Variants in PCDHGA12 observed in about 807,000 individuals in gnomAD.
PCDHGA12 encodes the protein protocadherin gamma subfamily A, 12.
In PCDHGA12, 43 loss-of-function variants were observed where a neutral mutation model predicts 61.1. The observed-to-expected ratio is 0.70, with a 90% CI of 0.55 to 0.91. The LOEUF (loss-of-function observed/expected upper bound fraction) is 0.91, where lower values mean the gene tolerates loss of function less well. Among genes scored for constraint, PCDHGA12 ranks in the 40% least tolerant of loss-of-function variants. The pLI is 0.00. For synonymous variants in PCDHGA12, 520 were observed against 542.9 expected, an observed-to-expected ratio of 0.96 and a Z score of 0.59; for missense variants, 1,236 against 1,227.7, an observed-to-expected ratio of 1.01 and a Z score of -0.10.
chr5:141,433,067 T>C lies in PCDHGA12; in HGVS notation c.2308T>C (p.Phe770Leu). The change falls in exon 1 of 4, where the codon TTC (phenylalanine) becomes CTC (leucine). Residue 770 changes from phenylalanine to leucine, a missense_variant. Transcript: ENST00000252085. ...GGACTCGCGGAAGAGTCACCTGATC[T>C]TCCCCCAGCCCAACTATGCAGACAT... is the stretch of plus-strand genomic sequence containing the variant. ...TTDSRKSHLI[F>L]PQPNYADMLV... 1.9e-6 allele frequency: 3 copies of C among 1,614,144 alleles called. No individual in the cohort carries two copies. The highest frequency in any genetic ancestry group is 2.5e-6 in the Non-Finnish European group (3 of 1,180,020).
chr5:141,472,188 G>C (rs779077950), intron 1 of PCDHGA12, among the ~76,000 whole-genome samples: 4 of 152,168 alleles, frequency 2.6e-5, no homozygotes, highest in Middle Eastern at 3.2e-3. Context: ...ATTGGAATTT[G>C]AATCTTTTTG....
Position 141,430,853 on chromosome 5 carries a change from C to A in PCDHGA12, c.94C>A (p.Arg32Ser). 1 of 1,587,214 alleles carries A rather than the reference C, an allele frequency of 6.3e-7. No individual in the cohort carries two copies. Among genetic ancestry groups the A allele is most frequent in the Non-Finnish European group, 8.6e-7 (1 of 1,168,534 alleles). ...GTGGGAGACCGGATGCACCCAGATACGCTATTCAGTTCCGGAAGAGCTGGA... is the reference window on the plus strand; with the variant it reads ...GTGGGAGACCGGATGCACCCAGATAAGCTATTCAGTTCCGGAAGAGCTGGA... ...TLWETGCTQI[R>S]YSVPEELEKG... The change falls in exon 1 of 4, where the codon CGC (arginine) becomes AGC (serine). Residue 32 changes from arginine to serine, a missense_variant. Arg to Ser is a moderately radical substitution (Grantham distance 110, BLOSUM62 -1). Coordinates refer to ENST00000252085, the MANE Select transcript of PCDHGA12 (RefSeq NM_003735.3).
intron 1 of PCDHGA12, among the ~76,000 whole-genome samples, chr5:141,454,796 ATTTTTTTTTTTTTTTTTTT>A (rs61612330): frequency 3.9e-5 from 3 of 77,408 alleles, no homozygotes; most frequent in African/African-American, 1.2e-4. Context: ...CATGGTTCTA[ATTTTTTTTTTTTTTTTTTT>A]TTTTTTTTTT....
In PCDHGA12 at chr5:141,431,468, G is replaced by C. The variant is rs756718016; in HGVS notation, c.709G>C (p.Asp237His). 4 of 1,613,804 alleles carry C rather than the reference G, an allele frequency of 2.5e-6. No homozygotes were observed. Among genetic ancestry groups the C allele is most frequent in the Non-Finnish European group, 3.4e-6 (4 of 1,179,964 alleles). Residue 237 changes from aspartate (D) to histidine (H), a missense_variant, in exon 1 of 4, where the codon GAC (aspartate) becomes CAC (histidine). Coordinates refer to ENST00000252085, the MANE Select transcript of PCDHGA12 (RefSeq NM_003735.3). The surrounding 1 kb of genome is among the most constrained non-coding windows in gnomAD (Gnocchi z 4.8). ...RIRVMVLDAN[D>H]NAPAFAQPEY... Reference sequence around the variant, plus strand: ...CCGCGTGATGGTTCTGGATGCGAACGACAACGCACCAGCGTTTGCTCAGCC... The same window carrying C: ...CCGCGTGATGGTTCTGGATGCGAACCACAACGCACCAGCGTTTGCTCAGCC...
chr5:141,473,260 G>T (rs2099318007), intron 1 of PCDHGA12, among the ~76,000 whole-genome samples: 1 of 152,148 alleles, frequency 6.6e-6, no homozygotes, highest in South Asian at 2.1e-4. Flanking sequence ...ATAGTCCTTA[G>T]TGTATGCTAT....
Position 141,511,380 on chromosome 5 carries a change from C to T in PCDHGA12, c.*207C>T, listed in dbSNP as rs896762148. 1.5e-5 allele frequency: 18 copies of T among 1,170,372 alleles called. No homozygotes were observed. The highest frequency in any genetic ancestry group is 3.0e-4 in the Middle Eastern group (1 of 3,384). 72.5% of individuals were successfully genotyped at this position (1,170,372 alleles called of 1,614,324 possible). ...GGGGTTGAATATGCAAAAGCAGTTC[C>T]GCTGGGAACCCCCATCCAATCAACT... is the stretch of plus-strand genomic sequence containing the variant. On this transcript the variant is annotated 3_prime_UTR_variant, in exon 4 of 4. Coordinates refer to ENST00000252085, the MANE Select transcript of PCDHGA12 (RefSeq NM_003735.3).
At chr5:141,467,728 C>A (rs2099150053) in intron 1 of PCDHGA12, among the ~76,000 whole-genome samples, 1 of 152,058 alleles carries the variant, frequency 6.6e-6, no homozygotes, top group Admixed American at 6.5e-5. Context: ...GTGGCACAAT[C>A]CCAGCTCGCT....
chr5:141,508,974 G>A (rs962653911), intron 3 of PCDHGA12, among the ~76,000 whole-genome samples: 2 of 152,128 alleles, frequency 1.3e-5, no homozygotes, highest in Non-Finnish European at 2.9e-5. Flanking sequence ...AAAGGGCTGG[G>A]GGTGGGGGCC....
intron 2 of PCDHGA12, among the ~76,000 whole-genome samples, chr5:141,504,211 A>G (rs2099836609): frequency 6.6e-6 from 1 of 152,218 alleles, no homozygotes. Flanking sequence ...GGAAAATTCC[A>G]AGTAGAGCTG....
At chr5:141,445,508 T>C (rs2098468947) in intron 1 of PCDHGA12, among the ~76,000 whole-genome samples, 1 of 152,200 alleles carries the variant, frequency 6.6e-6, no homozygotes, top group Non-Finnish European at 1.5e-5. Context: ...TAATACATGA[T>C]ATTTTACAGG....
Position 141,489,216 on chromosome 5 carries a change from C to G in PCDHGA12, c.2425-5591C>G. The G allele has an allele frequency of 6.7e-7, 1 of 1,486,698 alleles. No individual in the cohort carries two copies. Among genetic ancestry groups the G allele is most frequent in the Non-Finnish European group, 9.1e-7 (1 of 1,103,260 alleles). 92.1% of individuals were successfully genotyped at this position (1,486,698 alleles called of 1,614,324 possible). ...TTGGAGACAGGACAGCACAGACTTA[C>G]TCTCCACAAAGGGACTTCTGGGTCA... On this transcript the variant is annotated intron_variant, in intron 1 of 3. Transcript: ENST00000252085. This position sits in a 1 kb window ranked among gnomAD's most constrained non-coding sequence, Gnocchi z 4.5.
Position 141,431,300 on chromosome 5 carries a change from A to G in PCDHGA12, c.541A>G (p.Ile181Val), listed in dbSNP as rs200375087. 7.4e-6 allele frequency: 12 copies of G among 1,614,008 alleles called. No homozygotes were observed. Among genetic ancestry groups the G allele is most frequent in the Admixed American group, 1.7e-5 (1 of 60,010 alleles). ...ELSPNTHFSL[I>V]VQNGADGSKY... ...CAGCCCGAACACTCACTTCTCCCTC[A>G]TCGTGCAAAATGGAGCCGACGGTAG... The change falls in exon 1 of 4, where the codon ATC becomes GTC. Residue 181 changes from isoleucine to valine, a missense_variant. Coordinates refer to ENST00000252085, the MANE Select transcript of PCDHGA12 (RefSeq NM_003735.3). This position sits in a 1 kb window ranked among gnomAD's most constrained non-coding sequence, Gnocchi z 4.8.
Position 141,432,097 on chromosome 5 carries a change from C to T in PCDHGA12, c.1338C>T (p.Asn446=), listed in dbSNP as rs1428283489. ...THISLNVADT[N]DNPPVFPQAS... The stretch of plus-strand genomic sequence containing the variant: ...TCTCGCTGAACGTGGCAGACACCAA[C>T]GACAACCCGCCGGTCTTCCCTCAGG... The change falls in exon 1 of 4, where the codon AAC becomes AAT. Residue 446 remains asparagine, a synonymous_variant. Transcript: ENST00000252085. This position sits in a 1 kb window ranked among gnomAD's most constrained non-coding sequence, Gnocchi z 6.0. 6 of 1,614,066 alleles carry T rather than the reference C, an allele frequency of 3.7e-6. No individual in the cohort carries two copies. The highest frequency in any genetic ancestry group is 2.7e-5 in the African/African-American group (2 of 74,920).
Position 141,431,587 on chromosome 5 carries a change from A to C in PCDHGA12, c.828A>C (p.Glu276Asp). The change falls in exon 1 of 4, where the codon GAA becomes GAC. Residue 276 changes from glutamate to aspartate, a missense_variant. Coordinates refer to ENST00000252085, the MANE Select transcript of PCDHGA12 (RefSeq NM_003735.3). This position sits in a 1 kb window ranked among gnomAD's most constrained non-coding sequence, Gnocchi z 4.8. ...ACCCTGACGAAGGAGTCAATGCGGA[A>C]GTGAGGTATTCCTTCCGGTATGTGG... ...ATDPDEGVNA[E>D]VRYSFRYVDD... is the part of the protein sequence containing the mutation. The C allele has an allele frequency of 1.2e-6, 2 of 1,614,236 alleles. No homozygotes were observed. Among genetic ancestry groups the C allele is most frequent in the Non-Finnish European group, 1.7e-6 (2 of 1,180,036 alleles).
intron 1 of PCDHGA12, among the ~76,000 whole-genome samples, chr5:141,492,685 C>T (rs919981996): frequency 1.3e-5 from 2 of 152,242 alleles, no homozygotes; most frequent in African/African-American, 2.4e-5. Context: ...CAAGGGTCGG[C>T]GACCCCTCAA....
chr5:141,509,843 C>T (rs1596253565), intron 3 of PCDHGA12, among the ~76,000 whole-genome samples: 1 of 152,178 alleles, frequency 6.6e-6, no homozygotes, highest in African/African-American at 2.4e-5. Context: ...CTCCCATTCA[C>T]TCAGAACAGG....
At position 141,486,367 on chromosome 5, in the gene PCDHGA12, G is replaced by A; in HGVS notation, c.2425-8440G>A. On this transcript the variant is annotated intron_variant, in intron 1 of 3. Coordinates refer to ENST00000252085, the MANE Select transcript of PCDHGA12 (RefSeq NM_003735.3). This position sits in a 1 kb window ranked among gnomAD's most constrained non-coding sequence, Gnocchi z 5.0. Reference sequence around the variant, plus strand: ...CTGACCACTTGCCATTTGCCCTCAAGTCTGCCTTCAGGAACCAGTTCTCCC... The same window carrying A: ...CTGACCACTTGCCATTTGCCCTCAAATCTGCCTTCAGGAACCAGTTCTCCC... 1 of 1,614,148 alleles carries A rather than the reference G, an allele frequency of 6.2e-7. No individual in the cohort carries two copies. Among genetic ancestry groups the A allele is most frequent in the Non-Finnish European group, 8.5e-7 (1 of 1,180,022 alleles).
chr5:141,442,317 A>T (rs1257883989), intron 1 of PCDHGA12: 2 of 152,400 alleles, frequency 1.3e-5, no homozygotes, highest in Admixed American at 6.5e-5. Context: ...ACGGATGTCT[A>T]TCCCGCGCTA....
rs1226194073 is a variant in PCDHGA12, at chr5:141,490,496, A to G, written c.2425-4311A>G. The G allele has an allele frequency of 6.2e-7, 1 of 1,614,096 alleles. No individual in the cohort carries two copies. Among genetic ancestry groups the G allele is most frequent in the East Asian group, 2.2e-5 (1 of 44,894 alleles). On this transcript the variant is annotated intron_variant, in intron 1 of 3. Coordinates refer to ENST00000252085, the MANE Select transcript of PCDHGA12 (RefSeq NM_003735.3). The surrounding 1 kb of genome is among the most constrained non-coding windows in gnomAD (Gnocchi z 5.4). ...CCTTTGGACCGGGAGGCCACATCCCACTATATCATCGAGCTGCTGGCCAGC... is the reference window on the plus strand; with the variant it reads ...CCTTTGGACCGGGAGGCCACATCCCGCTATATCATCGAGCTGCTGGCCAGC...
Sources: allele counts gnomAD v4.1 joint callset (sites outside exome capture counted in the v4.1 genomes callset), GRCh38; gene constraint gnomAD v4.1.1; non-coding constraint Gnocchi (gnomAD v3.1); transcripts MANE v1.5; gene names NCBI Gene and HGNC (gene_info 2026-07-23, HGNC 2026-07-21).